The following MEGF11 variants were observed in gnomAD, a reference collection of about 807,000 sequenced individuals.
MEGF11 encodes multiple EGF like domains 11, also known as multiple epidermal growth factor-like domains protein 11.
MEGF11 carries 126 observed loss-of-function variants against 146.6 expected under a neutral mutation model. That is an observed-to-expected ratio of 0.86 (90% confidence interval 0.74 to 1.00). MEGF11 has a LOEUF of 1.00. MEGF11 is among the 50% of genes least tolerant of loss of function. MEGF11 has a pLI of 0.00. For synonymous variants in MEGF11, 532 were observed against 583.4 expected (o/e 0.91, Z 1.27); for missense variants, 1,509 against 1,521.2 (o/e 0.99, Z 0.13).
chr15:66,040,521 C>T lies in MEGF11; in HGVS notation c.394+53881G>A, dbSNP rs1322008500. 1.5e-5 allele frequency among the ~76,000 whole-genome samples: 2 copies of T among 137,352 alleles called. 1 individual carries two copies. The highest frequency in any genetic ancestry group is 6.0e-5 in the African/African-American group (2 of 33,382). The allele number at this position is 137,352 out of a possible 152,430, so 90.1% of individuals were successfully genotyped here. A position where few individuals can be genotyped will look rare whatever the true frequency, so the allele number is the denominator to read the frequency against. On this transcript the variant is annotated intron_variant, in intron 5 of 25. Coordinates refer to ENST00000395614, the MANE Select transcript of MEGF11 (RefSeq NM_001385028.1). ...GAAGTATATTTCACAGCGATACGTTCTCTGTCCTTCAGGTAGGGCCCCCTC... is the reference window on the plus strand; with the variant it reads ...GAAGTATATTTCACAGCGATACGTTTTCTGTCCTTCAGGTAGGGCCCCCTC...
At chr15:66,064,022 A>G (rs2085014037) in intron 5 of MEGF11, among the ~76,000 whole-genome samples, 1 of 152,230 alleles carries the variant, frequency 6.6e-6, no homozygotes, top group Non-Finnish European at 1.5e-5. Flanking sequence ...GCCCATGTTC[A>G]GAACCTATCA....
chr15:66,160,830 A>T (rs1040294230), intron 1 of MEGF11, among the ~76,000 whole-genome samples: 1 of 152,214 alleles, frequency 6.6e-6, no homozygotes, highest in Non-Finnish European at 1.5e-5. Flanking sequence ...GGTGAAAAAT[A>T]AAGCTGGGAA....
chr15:66,154,036 GCTGGGCTGCCACTAGCCC>G (rs971625060), intron 1 of MEGF11, among the ~76,000 whole-genome samples: 2 of 152,216 alleles, frequency 1.3e-5, no homozygotes, highest in African/African-American at 2.4e-5. Context: ...CACCCTTGCA[GCTGGGCTGCCACTAGCCC>G]CTCAGTGGTC....
rs1313963562 is a variant in MEGF11, at chr15:66,101,028, CGGGTG to C, written c.302-6539_302-6535del. Among the ~76,000 whole-genome samples the C allele has an allele frequency of 1.0e-4, 9 of 88,006 alleles. No individual in the cohort carries two copies. The East Asian group carries it at 3.9e-3, about 38-fold the overall frequency. 57.7% of individuals were successfully genotyped at this position (88,006 alleles called of 152,430 possible). On this transcript the variant is annotated intron_variant, in intron 4 of 25. Transcript: ENST00000395614. ...ATGGGCACGTGGGTGGGTGGGTGAGCGGGTGAGCAGGCGGGTGAGTGAGCCAGTGA... is the reference window on the plus strand; with the variant it reads ...ATGGGCACGTGGGTGGGTGGGTGAGCAGCAGGCGGGTGAGTGAGCCAGTGA...
At chr15:66,021,576 CTG>C (rs2083134158) in intron 5 of MEGF11, among the ~76,000 whole-genome samples, 1 of 152,192 alleles carries the variant, frequency 6.6e-6, no homozygotes, top group Non-Finnish European at 1.5e-5. Flanking sequence ...CTCTGAAAAT[CTG>C]TGAGAAGGAA....
intron 5 of MEGF11, among the ~76,000 whole-genome samples, chr15:65,984,018 A>G (rs1166725340): frequency 2.0e-5 from 3 of 152,154 alleles, no homozygotes; most frequent in Admixed American, 6.5e-5. Context: ...GAGCCTGCCT[A>G]TCATCCTGTA....
intron 4 of MEGF11, among the ~76,000 whole-genome samples, chr15:66,101,421 T>A (rs2086803460): frequency 6.6e-6 from 1 of 152,118 alleles, no homozygotes. Flanking sequence ...ACATTTCACA[T>A]AAACTTGGAT....
chr15:66,172,414 G>A (rs1355195318), intron 1 of MEGF11, among the ~76,000 whole-genome samples: 55 of 152,136 alleles, frequency 3.6e-4, no homozygotes, highest in Admixed American at 3.6e-3. Flanking sequence ...AGCATCAACC[G>A]GCAGCCTTGC....
chr15:65,986,412 A>G (rs2081858833), intron 5 of MEGF11, among the ~76,000 whole-genome samples: 1 of 152,208 alleles, frequency 6.6e-6, no homozygotes, highest in Admixed American at 6.5e-5. Flanking sequence ...AAGAAGTGAC[A>G]TTCAATTTAG....
chr15:66,064,415 A>G (rs1027004819), intron 5 of MEGF11, among the ~76,000 whole-genome samples: 1 of 152,196 alleles, frequency 6.6e-6, no homozygotes, highest in Non-Finnish European at 1.5e-5. Flanking sequence ...TTCAAATCCC[A>G]TTAAATAACA....
At chr15:66,148,912 G>A (rs2089466506) in intron 1 of MEGF11, among the ~76,000 whole-genome samples, 1 of 152,204 alleles carries the variant, frequency 6.6e-6, no homozygotes, top group African/African-American at 2.4e-5. Flanking sequence ...ACATGGCTCT[G>A]CCATTGAATA....
At position 65,919,921 on chromosome 15, in the gene MEGF11, T is replaced by TAAACAAAACAAAACAAAACA. The variant is rs61245737; in HGVS notation, c.1958-1828_1958-1827insTGTTTTGTTTTGTTTTGTTT. On this transcript the variant is annotated intron_variant, in intron 15 of 25. Transcript: ENST00000395614. ...ACTGCACCCGGCCAAACTTTTAATT[T>TAAACAAAACAAAACAAAACA]AAACAAAACAAAACAAAAAACAACA... Among the ~76,000 whole-genome samples, 180 of 152,090 alleles carry TAAACAAAACAAAACAAAACA rather than the reference T, an allele frequency of 1.2e-3. No homozygotes were observed. In the Middle Eastern group the frequency reaches 0.017, roughly 14 times the overall value.
chr15:65,933,261 A>T (rs1318562997), intron 10 of MEGF11, among the ~76,000 whole-genome samples: 1 of 152,206 alleles, frequency 6.6e-6, no homozygotes, highest in Admixed American at 6.5e-5. Context: ...CAAGATGATA[A>T]ATAGCACATA....
intron 1 of MEGF11, among the ~76,000 whole-genome samples, chr15:66,131,737 C>T (rs2088654220): frequency 6.6e-6 from 1 of 152,208 alleles, no homozygotes; most frequent in South Asian, 2.1e-4. Flanking sequence ...GCTATGTCCT[C>T]ATCCTAAATA....
intron 5 of MEGF11, among the ~76,000 whole-genome samples, chr15:66,065,937 C>T (rs1483578954): frequency 6.6e-6 from 1 of 152,122 alleles, no homozygotes; most frequent in Admixed American, 6.5e-5. Flanking sequence ...GAGGGCTGTG[C>T]CTTGGTGGTG....
At chr15:66,052,721 C>T (rs187524572) in intron 5 of MEGF11, among the ~76,000 whole-genome samples, 394 of 152,302 alleles carry the variant, frequency 2.6e-3, no homozygotes, top group Admixed American at 0.011. Context: ...GGCTGTGAGG[C>T]TGCACTAGGG....
At chr15:66,122,285 G>GA (rs138554891) in intron 3 of MEGF11, among the ~76,000 whole-genome samples, 3,671 of 146,890 alleles carry the variant, frequency 0.025, 59 homozygotes, top group African/African-American at 0.042. Flanking sequence ...TACCTATGCA[G>GA]AAAAAAAAAA....
At chr15:66,168,397 C>T (rs1168283110) in intron 1 of MEGF11, among the ~76,000 whole-genome samples, 3 of 152,170 alleles carry the variant, frequency 2.0e-5, no homozygotes, top group African/African-American at 4.8e-5. Flanking sequence ...CTCTGCAGAA[C>T]ACCCACAGTT....
chr15:65,949,466 T>C (rs1041145847), intron 10 of MEGF11, among the ~76,000 whole-genome samples: 5 of 152,208 alleles, frequency 3.3e-5, no homozygotes, highest in Non-Finnish European at 7.3e-5. Context: ...GGTTGAATAA[T>C]GGCAGACAGG....
Sources: gnomAD v4.1 joint callset for allele counts (sites outside exome capture counted in the v4.1 genomes callset) on GRCh38, gnomAD v4.1.1 for gene constraint, MANE v1.5 for transcripts, NCBI Gene and HGNC (gene_info 2026-07-23, HGNC 2026-07-21) for gene names.